AGBL4: variants seen among roughly 807,000 people sequenced by gnomAD.
AGBL4 encodes the protein AGBL carboxypeptidase 4.
In AGBL4, 58 loss-of-function variants were observed where a neutral mutation model predicts 66.4. The observed-to-expected ratio is 0.87, with a 90% CI of 0.71 to 1.09. AGBL4 has a LOEUF of 1.09. Among genes scored for constraint, AGBL4 ranks in the 50% least tolerant of loss-of-function variants. The pLI, the probability that AGBL4 is intolerant of heterozygous loss-of-function variation, is 0.00. For missense variants in AGBL4, 579 were observed against 631.0 expected, an observed-to-expected ratio of 0.92 and a Z score of 0.88; for synonymous variants, 234 against 222.9, an observed-to-expected ratio of 1.05 and a Z score of -0.44.
At chr1:48,682,382 A>G (rs1646468639) in intron 6 of AGBL4, among the ~76,000 whole-genome samples, 1 of 151,694 alleles carries the variant, frequency 6.6e-6, no homozygotes, top group Admixed American at 6.6e-5. Flanking sequence ...GAGGAAAACA[A>G]TATTGCTTAC....
At chr1:48,522,630 G>A in the AGBL4 span, among the ~76,000 whole-genome samples, 1 of 152,168 alleles carries the variant, frequency 6.6e-6, no homozygotes, top group Non-Finnish European at 1.5e-5. Context: ...TCTCTTGTAT[G>A]CAAGGTTCGT....
chr1:49,309,659 T>G (rs1443745569), intron 3 of AGBL4, among the ~76,000 whole-genome samples: 1 of 151,948 alleles, frequency 6.6e-6, no homozygotes. Flanking sequence ...GTAGCTTATA[T>G]TCTTTCCACA....
chr1:49,317,437 C>T (rs1645060070), intron 3 of AGBL4, among the ~76,000 whole-genome samples: 1 of 151,776 alleles, frequency 6.6e-6, no homozygotes, highest in Admixed American at 6.6e-5. Flanking sequence ...GATCAATAAA[C>T]ATTTAATATT....
rs149933304 is a variant in AGBL4 at position 49,115,555 on chromosome 1, A to G, written c.378-69755T>C. ...ATCTACTCCAATTTGGTCAATAAAT[A>G]TATACGTGTACATATGCATGTGTGT... On this transcript the variant is annotated intron_variant, in intron 4 of 13. Transcript: ENST00000371839. Among the ~76,000 whole-genome samples the G allele has an allele frequency of 2.1e-3, 327 of 152,282 alleles. 2 individuals carry two copies. The highest frequency in any genetic ancestry group is 7.6e-3 in the African/African-American group (315 of 41,564).
intron 5 of AGBL4, among the ~76,000 whole-genome samples, chr1:48,910,030 A>C (rs115765089): frequency 5.3e-4 from 80 of 152,324 alleles, no homozygotes; most frequent in African/African-American, 1.9e-3. Flanking sequence ...TATTGCAGTC[A>C]AATTTTTATT....
intron 1 of AGBL4, among the ~76,000 whole-genome samples, chr1:49,897,143 T>C (rs937609583): frequency 1.3e-5 from 2 of 152,082 alleles, no homozygotes; most frequent in African/African-American, 2.4e-5. Context: ...ATAAAGGTCA[T>C]CTACATTGGA....
At chr1:49,794,709 T>G (rs1644687857) in intron 2 of AGBL4, among the ~76,000 whole-genome samples, 1 of 151,994 alleles carries the variant, frequency 6.6e-6, no homozygotes, top group African/African-American at 2.4e-5. Context: ...TCTTTATGTT[T>G]ATAGACTCAT....
chr1:48,997,010 C>T (rs1661065803), intron 5 of AGBL4, among the ~76,000 whole-genome samples: 1 of 152,172 alleles, frequency 6.6e-6, no homozygotes, highest in Non-Finnish European at 1.5e-5. Context: ...ACAACCTCCA[C>T]CTCAGGGGTT....
At position 49,144,526 on chromosome 1, in the gene AGBL4, T is replaced by TACACAC. The variant is rs58163314; in HGVS notation, c.378-98732_378-98727dup. The stretch of plus-strand genomic sequence containing the variant: ...GCAATCCTATTCAGTTTACCTAATC[T>TACACAC]ACACACACACACACACACACACACA... On this transcript the variant is annotated intron_variant, in intron 4 of 13. Coordinates refer to ENST00000371839, the MANE Select transcript of AGBL4 (RefSeq NM_032785.4). Among the ~76,000 whole-genome samples the TACACAC allele has an allele frequency of 9.8e-3, 1,437 of 146,166 alleles. 9 individuals carry two copies. The highest frequency in any genetic ancestry group is 0.013 in the South Asian group (60 of 4,446).
At chr1:49,963,288 G>A (rs1657270141) in intron 1 of AGBL4, among the ~76,000 whole-genome samples, 1 of 152,088 alleles carries the variant, frequency 6.6e-6, no homozygotes, top group African/African-American at 2.4e-5. Flanking sequence ...ATCTTGTTAA[G>A]GATGCAGTCA....
chr1:49,592,404 C>T (rs994037832), intron 3 of AGBL4, among the ~76,000 whole-genome samples: 2 of 152,120 alleles, frequency 1.3e-5, no homozygotes, highest in Non-Finnish European at 2.9e-5. Flanking sequence ...AATCCCATCT[C>T]TACTGAAAAT....
intron 1 of AGBL4, among the ~76,000 whole-genome samples, chr1:49,992,631 A>G (rs1572024887): frequency 6.6e-6 from 1 of 151,782 alleles, no homozygotes; most frequent in Non-Finnish European, 1.5e-5. Flanking sequence ...CTACCTTTCA[A>G]TACTTTCCCT....
chr1:48,966,731 T>C (rs970610489), intron 5 of AGBL4, among the ~76,000 whole-genome samples: 4 of 152,108 alleles, frequency 2.6e-5, no homozygotes, highest in Admixed American at 2.6e-4. Context: ...CTTTTTTTTT[T>C]CTACCAGGAG....
chr1:49,463,118 A>G (rs752513632), intron 3 of AGBL4, among the ~76,000 whole-genome samples: 6 of 151,712 alleles, frequency 4.0e-5, no homozygotes, highest in Non-Finnish European at 8.9e-5. Context: ...AATTAATGCA[A>G]TATACATAGG....
At chr1:48,972,333 G>A (rs3127553) in intron 5 of AGBL4, among the ~76,000 whole-genome samples, 97,107 of 151,898 alleles carry the variant, frequency 0.64, 31,467 homozygotes, top group African/African-American at 0.72. Flanking sequence ...AATAATATGA[G>A]GTGTGAAATA....
intron 4 of AGBL4, among the ~76,000 whole-genome samples, chr1:49,098,998 C>G (rs186184267): frequency 6.6e-6 from 1 of 152,158 alleles, no homozygotes; most frequent in Non-Finnish European, 1.5e-5. Flanking sequence ...CTCCCTCCCA[C>G]GGGCCAAGCT....
rs57311875 is a variant in AGBL4 at position 49,271,516 on chromosome 1, GCACACACACA to G, written c.283-25662_283-25653del. 2.1e-3 allele frequency among the ~76,000 whole-genome samples: 297 copies of G among 144,296 alleles called. 1 individual carries two copies. The highest frequency in any genetic ancestry group is 6.9e-3 in the African/African-American group (276 of 39,722). 94.7% of individuals were successfully genotyped at this position (144,296 alleles called of 152,430 possible). On this transcript the variant is annotated intron_variant, in intron 3 of 13. Transcript: ENST00000371839. ...TCAAAGTCAACTCAATTAAAAGATA[GCACACACACA>G]CACACACACACACACACACACACAC...
chr1:49,130,362 G>T (rs1263699275), intron 4 of AGBL4, among the ~76,000 whole-genome samples: 3 of 152,124 alleles, frequency 2.0e-5, no homozygotes, highest in Admixed American at 6.6e-5. Flanking sequence ...CATTGCTTTT[G>T]GTGTTTTAGA....
chr1:48,922,972 G>T (rs1410030424), intron 5 of AGBL4, among the ~76,000 whole-genome samples: 1 of 150,308 alleles, frequency 6.7e-6, no homozygotes, highest in Non-Finnish European at 1.5e-5. Context: ...AAAATATTCA[G>T]CATATTAATA....
Sources: allele counts gnomAD v4.1 joint callset (sites outside exome capture counted in the v4.1 genomes callset), GRCh38; gene constraint gnomAD v4.1.1; transcripts MANE v1.5; gene names NCBI Gene and HGNC (gene_info 2026-07-23, HGNC 2026-07-21).